SLX4IP: variants seen among roughly 807,000 people sequenced by gnomAD.
The protein encoded by SLX4IP is SLX4 interacting protein, also known as protein SLX4IP.
Under a neutral mutation model 32.9 loss-of-function variants are expected in SLX4IP, and 34 were observed. That is an observed-to-expected ratio of 1.03 (90% CI 0.79 to 1.38). The LOEUF (loss-of-function observed/expected upper bound fraction) is 1.38. SLX4IP is among the 40% of genes most tolerant of loss of function. SLX4IP has a pLI of 0.00. For synonymous variants in SLX4IP, 172 were observed against 171.7 expected, an observed-to-expected ratio of 1.00 and a Z score of -0.01; for missense variants, 444 against 479.0, an observed-to-expected ratio of 0.93 and a Z score of 0.68.
intron 6 of SLX4IP, 44 bp downstream of exon 6, chr20:10,601,863 G>A: frequency 6.6e-7 from 1 of 1,518,566 alleles, no homozygotes; most frequent in Non-Finnish European, 9.1e-7. Context: ...CTGCTTAAAT[G>A]CTGAGTTACT....
intron 2 of SLX4IP, among the ~76,000 whole-genome samples, chr20:10,470,226 A>G (rs768368378): frequency 1.3e-5 from 2 of 152,166 alleles, no homozygotes; most frequent in Non-Finnish European, 2.9e-5. Context: ...CCTTTTTGTT[A>G]TTATTACTCT....
chr20:10,483,345 C>T (rs184311454), intron 2 of SLX4IP, among the ~76,000 whole-genome samples: 5 of 152,234 alleles, frequency 3.3e-5, no homozygotes, highest in Admixed American at 6.5e-5. Context: ...TGGTTTTGAA[C>T]GCCTGGCCTC....
intron 4 of SLX4IP, among the ~76,000 whole-genome samples, chr20:10,567,512 G>A (rs2066410609): frequency 6.6e-6 from 1 of 152,144 alleles, no homozygotes; most frequent in Non-Finnish European, 1.5e-5. Flanking sequence ...ACCTGCTGGT[G>A]CCTGGTGCCT....
At chr20:10,481,692 C>G (rs890149775) in intron 2 of SLX4IP, among the ~76,000 whole-genome samples, 1 of 152,118 alleles carries the variant, frequency 6.6e-6, no homozygotes, top group African/African-American at 2.4e-5. Context: ...CAAATTACCC[C>G]AGAATTTAGC....
chr20:10,452,820 T>C (rs2183712), intron 1 of SLX4IP, among the ~76,000 whole-genome samples: 74,132 of 150,778 alleles, frequency 0.49, 19,731 homozygotes, highest in Non-Finnish European at 0.6. Context: ...CACTGCACTT[T>C]AGTCTGGTTG....
chr20:10,529,890 CT>C (rs1458691918), intron 2 of SLX4IP, among the ~76,000 whole-genome samples: 1 of 152,126 alleles, frequency 6.6e-6, no homozygotes, highest in Non-Finnish European at 1.5e-5. Context: ...CATTTCTCTG[CT>C]AATGAAGAAG....
At chr20:10,444,166 C>CA (rs2065181378) in intron 1 of SLX4IP, among the ~76,000 whole-genome samples, 1 of 94,722 alleles carries the variant, frequency 1.1e-5, no homozygotes, top group Non-Finnish European at 2.7e-5. Context: ...TGGGGAAGTA[C>CA]AAGGATAGAG....
chr20:10,498,856 T>C (rs2065692397), intron 2 of SLX4IP, among the ~76,000 whole-genome samples: 2 of 152,082 alleles, frequency 1.3e-5, no homozygotes, highest in South Asian at 2.1e-4. Context: ...ACAAATTTAC[T>C]TTGTTATCAT....
chr20:10,576,597 A>G (rs1376373931), intron 4 of SLX4IP, among the ~76,000 whole-genome samples: 1 of 152,198 alleles, frequency 6.6e-6, no homozygotes, highest in African/African-American at 2.4e-5. Context: ...AACTAACTCC[A>G]CATGATCTCA....
chr20:10,510,680 C>T (rs2065799140), intron 2 of SLX4IP, among the ~76,000 whole-genome samples: 1 of 151,594 alleles, frequency 6.6e-6, no homozygotes, highest in Non-Finnish European at 1.5e-5. Context: ...TCTCGGCTCA[C>T]TGCAACCTCC....
intron 2 of SLX4IP, 109 bp downstream of exon 2, chr20:10,458,340 GGGAC>G: frequency 1.8e-6 from 2 of 1,132,454 alleles, no homozygotes; most frequent in Admixed American, 5.6e-5. Flanking sequence ...TTTTACACTT[GGGAC>G]TCTGCAAAAT....
intron 2 of SLX4IP, among the ~76,000 whole-genome samples, chr20:10,522,822 C>T (rs2065911044): frequency 6.6e-6 from 1 of 152,210 alleles, no homozygotes; most frequent in Non-Finnish European, 1.5e-5. Context: ...ATCTCTCCTA[C>T]CCCATGGCAC....
Position 10,601,837 on chromosome 20 carries a change from C to G in SLX4IP, c.405+18C>G. ...AAGATTTGGTGAGTATGAAAAAATT[C>G]TATAAACAAATAAGTCTGCTTAAAT... On this transcript the variant is annotated intron_variant, in intron 6 of 7. Coordinates refer to ENST00000334534, the MANE Select transcript of SLX4IP (RefSeq NM_001009608.3). 6.3e-7 allele frequency: 1 copy of G among 1,598,210 alleles called. No homozygotes were observed. The highest frequency in any genetic ancestry group is 8.6e-7 in the Non-Finnish European group (1 of 1,166,060).
intron 2 of SLX4IP, among the ~76,000 whole-genome samples, chr20:10,488,525 T>C (rs1268809511): frequency 6.6e-6 from 1 of 152,094 alleles, no homozygotes; most frequent in Non-Finnish European, 1.5e-5. Context: ...TTTTGGTACT[T>C]TATATCATAG....
In SLX4IP at chr20:10,622,766, G is replaced by A. The variant is rs144055931; in HGVS notation, c.614G>A (p.Arg205Lys). Residue 205 changes from arginine (R) to lysine (K), a missense_variant, in exon 8 of 8, where the codon AGG (arginine) becomes AAG (lysine). Arg to Lys is a conservative substitution (Grantham distance 26). Transcript: ENST00000334534. ...GTGATTGCAGAGATAGCAAGGAGGAGGAATGATGGTCAGGCTTCCTCCAGT... is the reference window on the plus strand; with the variant it reads ...GTGATTGCAGAGATAGCAAGGAGGAAGAATGATGGTCAGGCTTCCTCCAGT... ...DSVIAEIARR[R>K]NDGQASSSPP... is the part of the protein sequence containing the mutation. The A allele has an allele frequency of 1.9e-4, 299 of 1,614,182 alleles. No homozygotes were observed. The African/African-American group carries it at 3.4e-3, about 18-fold the overall frequency.
At chr20:10,441,350 C>A (rs1010011436) in intron 1 of SLX4IP, among the ~76,000 whole-genome samples, 4 of 152,138 alleles carry the variant, frequency 2.6e-5, no homozygotes, top group Non-Finnish European at 5.9e-5. Flanking sequence ...GCAGGAGGAT[C>A]ACTTGAACCT....
Position 10,556,314 on chromosome 20 carries a change from G to T in SLX4IP, c.111G>T (p.Lys37Asn), listed in dbSNP as rs2066267044. 6.2e-7 allele frequency: 1 copy of T among 1,612,954 alleles called. No individual in the cohort carries two copies. The highest frequency in any genetic ancestry group is 2.2e-5 in the East Asian group (1 of 44,852). The change falls in exon 3 of 8, where the codon AAG (lysine) becomes AAT (asparagine). Residue 37 changes from lysine (K) to asparagine (N), a missense_variant. Lys to Asn is a moderately conservative substitution (Grantham distance 94). Transcript: ENST00000334534. The part of the protein sequence containing the change: ...NKDTSWFSEQ[K>N]KEEVCLLLKE... Reference sequence around the variant, plus strand: ...ATACAAGCTGGTTTTCTGAACAGAAGAAAGAGGTACAACAAAACTTTCTAC... The same window carrying T: ...ATACAAGCTGGTTTTCTGAACAGAATAAAGAGGTACAACAAAACTTTCTAC...
chr20:10,597,644 T>C (rs998932800), intron 4 of SLX4IP, among the ~76,000 whole-genome samples: 1 of 152,262 alleles, frequency 6.6e-6, no homozygotes, highest in Non-Finnish European at 1.5e-5. Context: ...AGTGTGTGAC[T>C]ATATCCCCAT....
chr20:10,519,423 T>TA (rs1272458690), intron 2 of SLX4IP, among the ~76,000 whole-genome samples: 1 of 152,366 alleles, frequency 6.6e-6, no homozygotes, highest in South Asian at 2.1e-4. Context: ...TTTGTCTTTA[T>TA]AAAAAATTGC....
Sources: gnomAD v4.1 joint callset for allele counts (sites outside exome capture counted in the v4.1 genomes callset) on GRCh38, gnomAD v4.1.1 for gene constraint, MANE v1.5 for transcripts, NCBI Gene and HGNC (gene_info 2026-07-23, HGNC 2026-07-21) for gene names.